Variants in CIZ1 observed in about 807,000 individuals in gnomAD.
CIZ1 encodes CDKN1A interacting zinc finger protein 1, also known as cip1-interacting zinc finger protein.
CIZ1 carries 58 observed loss-of-function variants against 118.6 expected under a neutral mutation model. The observed-to-expected ratio is 0.49, with a 90% CI of 0.40 to 0.61. The LOEUF (loss-of-function observed/expected upper bound fraction) is 0.61, where lower values mean the gene tolerates loss of function less well. Ranked by LOEUF, CIZ1 falls within the 20% of genes least tolerant of loss-of-function variation. CIZ1 has a pLI of 0.00. For missense variants in CIZ1, 921 were observed against 1,115.9 expected (o/e 0.83, Z 2.49); for synonymous variants, 448 against 443.4 (o/e 1.01, Z -0.13).
chr9:128,193,571 G>A (rs1477874632), upstream of CIZ1, among the ~76,000 whole-genome samples: 1 of 152,100 alleles, frequency 6.6e-6, no homozygotes, highest in Non-Finnish European at 1.5e-5. Context: ...AAAATTAGCC[G>A]GATGTGGTGG....
Position 128,179,093 on chromosome 9 carries a change from G to A in CIZ1, c.1114C>T (p.Gln372Ter). The A allele has an allele frequency of 6.2e-7, 1 of 1,613,920 alleles. No individual in the cohort carries two copies. ...QPQLQQEAEP[Q>*]KQVQPQVQPQ... ...TGTACCTGTGGCTGCACCTGCTTCT[G>A]TGGCTCTGCCTCCTGCTGCAGCTGT... Residue 372 changes from glutamine to a stop codon, truncating the protein, a stop_gained, in exon 8 of 17, where the codon CAG (glutamine) becomes TAG (stop). Coordinates refer to ENST00000372938, the MANE Select transcript of CIZ1 (RefSeq NM_001131016.2). LOFTEE classifies it high-confidence loss of function.
chr9:128,190,382 G>C lies in CIZ1; in HGVS notation c.233C>G (p.Ser78Cys), dbSNP rs1588261356. Residue 78 changes from serine to cysteine, a missense_variant, in exon 3 of 17, where the codon TCC (serine) becomes TGC (cysteine). Physicochemically the swap from Ser to Cys is moderately radical, Grantham distance 112. Coordinates refer to ENST00000372938, the MANE Select transcript of CIZ1 (RefSeq NM_001131016.2). ...LLNLQGTNSASLLNGSMLQRA... is the reference protein window; with the variant it reads ...LLNLQGTNSACLLNGSMLQRA... ...CTGCAGCATGGAGCCGTTGAGGAGG[G>C]AGGCTGAGTTGGTGCCCTGGAGATT... 3 of 1,614,022 alleles carry C rather than the reference G, an allele frequency of 1.9e-6. No individual in the cohort carries two copies. The highest frequency in any genetic ancestry group is 2.5e-6 in the Non-Finnish European group (3 of 1,179,934).
chr9:128,181,604 C>T (rs549540874), intron 5 of CIZ1, among the ~76,000 whole-genome samples: 7 of 152,182 alleles, frequency 4.6e-5, no homozygotes, highest in African/African-American at 7.2e-5. Flanking sequence ...AAGACAAGAG[C>T]GTGAGCCTTC....
chr9:128,168,866 T>G (rs901211380), intron 14 of CIZ1, 186 bp downstream of exon 14: 3 of 836,774 alleles, frequency 3.6e-6, no homozygotes, highest in Non-Finnish European at 5.5e-6. Flanking sequence ...ATATTTTAAC[T>G]GCCACTCTCT....
chr9:128,178,732 G>C lies in CIZ1; in HGVS notation c.1475C>G (p.Pro492Arg), dbSNP rs752850839. 3 of 1,613,942 alleles carry C rather than the reference G, an allele frequency of 1.9e-6. No individual in the cohort carries two copies. The change falls in exon 8 of 17, where the codon CCT becomes CGT. Residue 492 changes from proline to arginine, a missense_variant. Pro to Arg is a moderately radical substitution (Grantham distance 103). Transcript: ENST00000372938. ...ACCTCCACCAGCTTCTACTGCATCAGGTGGCATCTCCAGCCCGCAGACATG... is the reference window on the plus strand; with the variant it reads ...ACCTCCACCAGCTTCTACTGCATCACGTGGCATCTCCAGCCCGCAGACATG... ...VVHVCGLEMP[P>R]DAVEAGGGME...
chr9:128,173,513 A>G (rs1830425263), intron 11 of CIZ1, among the ~76,000 whole-genome samples: 1 of 151,556 alleles, frequency 6.6e-6, no homozygotes, highest in East Asian at 2.0e-4. Context: ...CCTAAACTCA[A>G]GCAATCCCCC....
intron 1 of CIZ1, among the ~76,000 whole-genome samples, chr9:128,202,338 C>T (rs889730884): frequency 1.3e-5 from 2 of 152,198 alleles, no homozygotes; most frequent in African/African-American, 4.8e-5. Flanking sequence ...AGATGGACGG[C>T]TGGGCTCAGG....
At chr9:128,187,716 T>G (rs1832555682) in intron 4 of CIZ1, 147 bp downstream of exon 4, 3 of 304,464 alleles carry the variant, frequency 9.9e-6, no homozygotes, top group Non-Finnish European at 1.8e-5. Flanking sequence ...CAAAAAGAAA[T>G]AAAATGTTCA....
At chr9:128,190,953 C>G (rs796936008) in intron 1 of CIZ1, 91 bp from the exon 2 acceptor site, 3 of 1,457,072 alleles carry the variant, frequency 2.1e-6, no homozygotes, top group Non-Finnish European at 2.7e-6. Context: ...GCAGCCACAG[C>G]CCGCAGAGAC....
upstream of CIZ1, chr9:128,191,819 G>C: frequency 4.8e-6 from 7 of 1,455,886 alleles, no homozygotes; most frequent in Non-Finnish European, 6.3e-6. This position sits in a 1 kb window ranked among gnomAD's most constrained non-coding sequence, Gnocchi z 5.5. Flanking sequence ...ATCCCGCGGG[G>C]CATCGAGGGG....
At position 128,166,437 on chromosome 9, in the gene CIZ1, G is replaced by A; in HGVS notation, c.2488-31C>T. 1.4e-6 allele frequency: 2 copies of A among 1,465,178 alleles called. No individual in the cohort carries two copies. The highest frequency in any genetic ancestry group is 9.2e-7 in the Non-Finnish European group (1 of 1,086,672). The allele number at this position is 1,465,178 out of a possible 1,614,324, so 90.8% of individuals were successfully genotyped here. On this transcript the variant is annotated intron_variant, in intron 16 of 16. Transcript: ENST00000372938. The surrounding 1 kb of genome is among the most constrained non-coding windows in gnomAD (Gnocchi z 4.4). ...TACAGAAGGTGCAGGTAAGGTCAGG[G>A]TCTCCTCCCTACATGGTATGCTCCT...
chr9:128,197,914 A>T (rs770435635), intron 1 of CIZ1: 1 of 152,256 alleles, frequency 6.6e-6, no homozygotes, highest in Non-Finnish European at 1.5e-5. Context: ...CAGATGAAGA[A>T]ACTGAAGCTT....
chr9:128,178,839 C>T lies in CIZ1; in HGVS notation c.1368G>A (p.Gln456=), dbSNP rs750785055. ...QEHPPAQVSV[Q]PPEQTHEQPH... is the part of the protein sequence containing the mutation. ...GCTGCTCATGGGTCTGCTCTGGTGG[C>T]TGTACTGACACCTGCGCTGGAGGAT... is the stretch of plus-strand genomic sequence containing the variant. The change falls in exon 8 of 17, where the codon CAG becomes CAA. Residue 456 remains glutamine (Q), a synonymous_variant. Transcript: ENST00000372938. 1 of 1,614,246 alleles carries T rather than the reference C, an allele frequency of 6.2e-7. No individual in the cohort carries two copies.
intron 5 of CIZ1, among the ~76,000 whole-genome samples, chr9:128,181,090 C>T (rs1163201651): frequency 6.6e-6 from 1 of 152,246 alleles, no homozygotes; most frequent in East Asian, 1.9e-4. Flanking sequence ...TGACTTCCCA[C>T]CCAGTTTTAC....
chr9:128,173,105 C>G (rs1393999697), intron 11 of CIZ1, among the ~76,000 whole-genome samples: 1 of 140,308 alleles, frequency 7.1e-6, no homozygotes, highest in African/African-American at 2.6e-5. Context: ...GCCAGGACTA[C>G]AAGTGCATGC....
At chr9:128,192,837 C>T (rs887668301), upstream of CIZ1, among the ~76,000 whole-genome samples, 27 of 152,358 alleles carry the variant, frequency 1.8e-4, 1 homozygote, top group Non-Finnish European at 1.2e-4. Context: ...GCCACCTCTC[C>T]TGGACTAAGT....
At chr9:128,196,777 T>C (rs1398655962), upstream of CIZ1, 1 of 152,128 alleles carries the variant, frequency 6.6e-6, no homozygotes, top group African/African-American at 2.4e-5. Context: ...CTAATTTTTG[T>C]ATTTTTAGTA....
upstream of CIZ1, among the ~76,000 whole-genome samples, chr9:128,194,663 A>G (rs948213839): frequency 8.6e-5 from 13 of 151,700 alleles, no homozygotes; most frequent in East Asian, 5.9e-4. Context: ...CTAAAAATAC[A>G]AAAAATTAGC....
chr9:128,192,366 C>CAA (rs57931082), upstream of CIZ1, among the ~76,000 whole-genome samples: 4,099 of 139,372 alleles, frequency 0.029, 104 homozygotes, highest in Admixed American at 0.083. Context: ...CAAGAGCTGT[C>CAA]AAAAAAAAAA....
Sources: gnomAD v4.1 joint callset for allele counts (sites outside exome capture counted in the v4.1 genomes callset) on GRCh38, gnomAD v4.1.1 for gene constraint, Gnocchi (gnomAD v3.1) non-coding constraint, MANE v1.5 for transcripts, NCBI Gene and HGNC (gene_info 2026-07-23, HGNC 2026-07-21) for gene names.